The following PHACTR3 variants were observed in gnomAD, a reference collection of about 807,000 sequenced individuals.
PHACTR3 encodes the protein phosphatase and actin regulator 3.
In PHACTR3, 16 loss-of-function variants were observed where a neutral mutation model predicts 66.8. The ratio of observed to expected loss-of-function variants is 0.24; its 90% CI spans 0.16 to 0.36. PHACTR3 has a LOEUF of 0.36. Ranked by LOEUF, PHACTR3 falls within the 10% of genes least tolerant of loss-of-function variation. The pLI is 1.00. For synonymous variants in PHACTR3, 323 were observed against 292.1 expected (o/e 1.11, Z -1.08); for missense variants, 647 against 719.9 (o/e 0.90, Z 1.16).
At chr20:59,805,050 C>G (rs1256815875) in intron 7 of PHACTR3, among the ~76,000 whole-genome samples, 1 of 152,214 alleles carries the variant, frequency 6.6e-6, no homozygotes, top group Non-Finnish European at 1.5e-5. Flanking sequence ...GAGTTACTTG[C>G]AGGCAGCAGC....
intron 7 of PHACTR3, among the ~76,000 whole-genome samples, chr20:59,790,528 C>T (rs576671493): frequency 1.3e-5 from 2 of 152,288 alleles, no homozygotes; most frequent in African/African-American, 2.4e-5. Flanking sequence ...CAAACACTAA[C>T]CTAAGTGTCC....
intron 1 of PHACTR3, among the ~76,000 whole-genome samples, chr20:59,618,423 A>G (rs1293943751): frequency 6.6e-6 from 1 of 152,284 alleles, no homozygotes; most frequent in East Asian, 1.9e-4. Flanking sequence ...CCGGGTGGAA[A>G]TGGGTCCCAG....
At chr20:59,694,819 A>G (rs919543903) in intron 1 of PHACTR3, among the ~76,000 whole-genome samples, 1 of 152,118 alleles carries the variant, frequency 6.6e-6, no homozygotes, top group Non-Finnish European at 1.5e-5. Flanking sequence ...CAGCAGGGAC[A>G]GGGGGAAATG....
At chr20:59,689,430 T>C (rs1184851741) in intron 1 of PHACTR3, among the ~76,000 whole-genome samples, 1 of 152,180 alleles carries the variant, frequency 6.6e-6, no homozygotes, top group African/African-American at 2.4e-5. Flanking sequence ...GAGTCCTGTT[T>C]TTTCACACTT....
At chr20:59,799,765 G>T (rs556556204) in intron 7 of PHACTR3, among the ~76,000 whole-genome samples, 1 of 151,950 alleles carries the variant, frequency 6.6e-6, no homozygotes, top group African/African-American at 2.4e-5. Flanking sequence ...GAAAATTTTT[G>T]CCATTAATTA....
At chr20:59,595,613 C>G (rs1010387613) in intron 1 of PHACTR3, among the ~76,000 whole-genome samples, 2 of 152,178 alleles carry the variant, frequency 1.3e-5, no homozygotes, top group Non-Finnish European at 2.9e-5. Flanking sequence ...ATTGATGGTG[C>G]TGTTGAGTTC....
chr20:59,625,374 G>A (rs1225262057), intron 1 of PHACTR3, among the ~76,000 whole-genome samples: 1 of 151,984 alleles, frequency 6.6e-6, no homozygotes, highest in African/African-American at 2.4e-5. Flanking sequence ...TGCCCAGTAC[G>A]GCTGCCTGTG....
chr20:59,622,070 A>ATATATATGT (rs2034260629), intron 1 of PHACTR3, among the ~76,000 whole-genome samples: 1 of 151,576 alleles, frequency 6.6e-6, no homozygotes, highest in African/African-American at 2.4e-5. Flanking sequence ...GTTTGTGCAT[A>ATATATATGT]TATATATGTG....
intron 1 of PHACTR3, among the ~76,000 whole-genome samples, chr20:59,664,514 C>G (rs1568687368): frequency 1.3e-5 from 2 of 152,146 alleles, no homozygotes; most frequent in African/African-American, 4.8e-5. Flanking sequence ...TGTCTGGGTC[C>G]CCAGGATCAT....
chr20:59,687,892 G>C (rs1313049032), intron 1 of PHACTR3, among the ~76,000 whole-genome samples: 2 of 152,130 alleles, frequency 1.3e-5, no homozygotes, highest in African/African-American at 4.8e-5. Context: ...TGGTCAGCTG[G>C]TTGCTCCCCT....
intron 3 of PHACTR3, among the ~76,000 whole-genome samples, chr20:59,752,559 T>TCCTGCAAGAAATCCTTGCAGAAAA (rs2039632604): frequency 6.7e-6 from 1 of 148,770 alleles, no homozygotes; most frequent in South Asian, 2.2e-4. Flanking sequence ...CCCAGAGAAG[T>TCCTGCAAGAAATCCTTGCAGAAAA]CCTGCAAGAA....
At chr20:59,600,398 G>A (rs569091063), upstream of PHACTR3, among the ~76,000 whole-genome samples, 2 of 152,264 alleles carry the variant, frequency 1.3e-5, no homozygotes, top group South Asian at 4.1e-4. Context: ...TGACTGTTTG[G>A]GCACAGAATA....
At chr20:59,582,569 C>A (rs1371081998) in intron 1 of PHACTR3, among the ~76,000 whole-genome samples, 1 of 152,190 alleles carries the variant, frequency 6.6e-6, no homozygotes, top group African/African-American at 2.4e-5. Context: ...CGGAGGTACC[C>A]GTTTCTCTCG....
intron 1 of PHACTR3, among the ~76,000 whole-genome samples, chr20:59,658,013 C>T (rs1368542178): frequency 6.6e-6 from 1 of 152,108 alleles, no homozygotes; most frequent in Non-Finnish European, 1.5e-5. Flanking sequence ...TTTCCCTCTG[C>T]TCTTCAGATT....
chr20:59,668,098 A>C (rs558153702), intron 1 of PHACTR3, among the ~76,000 whole-genome samples: 64 of 151,474 alleles, frequency 4.2e-4, no homozygotes, highest in African/African-American at 1.5e-3. Flanking sequence ...AGGTGGGCAC[A>C]TACACCTGTA....
chr20:59,604,950 TG>T lies in PHACTR3; in HGVS notation c.-63del. The stretch of plus-strand genomic sequence containing the variant: ...CCTCCAGCCCCCTCGCCGGTGACCT[TG>T]GCCGCCTCGGATGCTCTGATTCCAC... On this transcript the variant is annotated 5_prime_UTR_variant, in exon 1 of 13. Transcript: ENST00000371015. 1 of 1,218,862 alleles carries T rather than the reference TG, an allele frequency of 8.2e-7. No homozygotes were observed. Among genetic ancestry groups the T allele is most frequent in the Non-Finnish European group, 1.0e-6 (1 of 977,098 alleles). 75.5% of individuals were successfully genotyped at this position (1,218,862 alleles called of 1,614,324 possible).
In PHACTR3 at chr20:59,767,223, C is replaced by T. The variant is rs6027087; in HGVS notation, c.579C>T (p.Asp193=). ...CTGCATCCAGTGGTGAAGAAGCAGA[C>T]GCTGGCAGCCTCCTGCCCACCACCA... The part of the protein sequence containing the change: ...MPSASSGEEA[D]AGSLLPTTNE... Residue 193 remains aspartate, a synonymous_variant, in exon 5 of 13, where the codon GAC becomes GAT. Transcript: ENST00000371015. The T allele has an allele frequency of 2.6e-4, 413 of 1,614,258 alleles. No individual in the cohort carries two copies. The African/African-American group carries it at 3.3e-3, about 13-fold the overall frequency.
At chr20:59,840,637 C>G (rs1236874920) in intron 10 of PHACTR3, among the ~76,000 whole-genome samples, 1 of 152,242 alleles carries the variant, frequency 6.6e-6, no homozygotes, top group Non-Finnish European at 1.5e-5. Flanking sequence ...AAGTCCTTCC[C>G]TAGCACGGTA....
At chr20:59,709,751 A>G (rs1229431664) in intron 1 of PHACTR3, among the ~76,000 whole-genome samples, 2 of 152,086 alleles carry the variant, frequency 1.3e-5, no homozygotes, top group Non-Finnish European at 2.9e-5. Context: ...GGATGCATGA[A>G]GGACCTGATG....
Sources: allele counts gnomAD v4.1 joint callset (sites outside exome capture counted in the v4.1 genomes callset), GRCh38; gene constraint gnomAD v4.1.1; transcripts MANE v1.5; gene names NCBI Gene and HGNC (gene_info 2026-07-23, HGNC 2026-07-21).